Variants in EXOSC8 observed in about 807,000 individuals in gnomAD.
The protein encoded by EXOSC8 is exosome component 8.
Under a neutral mutation model 39.9 loss-of-function variants are expected in EXOSC8, and 37 were observed. The ratio of observed to expected loss-of-function variants is 0.93; its 90% CI spans 0.71 to 1.22. The LOEUF (loss-of-function observed/expected upper bound fraction) is 1.22, where lower values mean the gene tolerates loss of function less well. Among genes scored for constraint, EXOSC8 ranks in the 50% most tolerant of loss-of-function variants. The probability of loss-of-function intolerance (pLI) is 0.00; values close to 1 mark genes in which losing one functional copy is unlikely to be tolerated. For missense variants in EXOSC8, 313 were observed against 326.6 expected (o/e 0.96, Z 0.32); for synonymous variants, 93 against 109.5 (o/e 0.85, Z 0.94).
intron 7 of EXOSC8, among the ~76,000 whole-genome samples, chr13:37,006,646 T>C (rs2059141179): frequency 6.6e-6 from 1 of 152,192 alleles, no homozygotes. Flanking sequence ...ATTTTGAATT[T>C]TAGCTAGGGC....
intron 5 of EXOSC8, among the ~76,000 whole-genome samples, chr13:37,004,768 A>G (rs2059127501): frequency 6.6e-6 from 1 of 152,210 alleles, no homozygotes; most frequent in Admixed American, 6.5e-5. Flanking sequence ...TTTAACCTTT[A>G]TCAAACTTGT....
At chr13:37,007,111 G>T (rs1323174650) in intron 8 of EXOSC8, 40 bp downstream of exon 8, 4 of 1,232,614 alleles carry the variant, frequency 3.2e-6, no homozygotes, top group Non-Finnish European at 4.8e-6. Context: ...CCCACTCATG[G>T]GTTAGAATGT....
At chr13:37,001,414 A>T (rs150045001) in intron 1 of EXOSC8, 4 of 152,242 alleles carry the variant, frequency 2.6e-5, no homozygotes, top group African/African-American at 9.7e-5. Flanking sequence ...GTCAGAATCA[A>T]TCAATCAAGA....
intron 8 of EXOSC8, among the ~76,000 whole-genome samples, 170 bp downstream of exon 8, chr13:37,007,241 T>C (rs896485527): frequency 2.0e-5 from 3 of 152,240 alleles, no homozygotes; most frequent in Non-Finnish European, 1.5e-5. Context: ...GAATGCTCTT[T>C]AGAGTGCTGC....
chr13:37,002,418 T>TA (rs774978385), intron 2 of EXOSC8, 70 bp from the exon 3 acceptor site: 34 of 1,350,328 alleles, frequency 2.5e-5, no homozygotes, highest in Non-Finnish European at 3.6e-5. Flanking sequence ...AATGTGTGTG[T>TA]AAAACTTGTG....
At chr13:37,002,657 A>G in intron 3 of EXOSC8, 106 bp downstream of exon 3, 1 of 832,088 alleles carries the variant, frequency 1.2e-6, no homozygotes, top group Non-Finnish European at 1.9e-6. Flanking sequence ...GGATTTGATG[A>G]TTTTTTTTGT....
intron 10 of EXOSC8, 48 bp downstream of exon 10, chr13:37,008,883 G>A: frequency 8.1e-7 from 1 of 1,227,150 alleles, no homozygotes; most frequent in East Asian, 2.4e-5. Context: ...TGAAAACTCA[G>A]TGTGAGCCTT....
intron 1 of EXOSC8, 98 bp from the exon 2 acceptor site, chr13:37,002,175 T>G (rs748614024): frequency 1.6e-5 from 14 of 853,834 alleles, no homozygotes; most frequent in Non-Finnish European, 2.1e-5. Context: ...GTTGTGGAGA[T>G]TTATGCTGCA....
chr13:37,007,287 G>A (rs2059145545), intron 8 of EXOSC8, among the ~76,000 whole-genome samples: 1 of 152,168 alleles, frequency 6.6e-6, no homozygotes, highest in Non-Finnish European at 1.5e-5. Flanking sequence ...TAGGACTTCA[G>A]TCCTTTCCAA....
intron 5 of EXOSC8, among the ~76,000 whole-genome samples, chr13:37,005,409 GA>G (rs2059131693): frequency 6.6e-6 from 1 of 152,012 alleles, no homozygotes; most frequent in African/African-American, 2.4e-5. Flanking sequence ...GCATATGGGG[GA>G]AAAATGTCAG....
At chr13:37,002,590 C>T (rs2059113827) in intron 3 of EXOSC8, 39 bp downstream of exon 3, 3 of 1,374,224 alleles carry the variant, frequency 2.2e-6, no homozygotes, top group Non-Finnish European at 3.0e-6. Context: ...TATGATATTC[C>T]CAAGTTTTAG....
chr13:37,006,944 T>G (rs760878742), intron 7 of EXOSC8, 31 bp from the exon 8 acceptor site: 6 of 1,380,878 alleles, frequency 4.3e-6, no homozygotes, highest in Non-Finnish European at 6.2e-6. Flanking sequence ...TAGAAGACTT[T>G]AATTTCCTTT....
At chr13:37,007,141 T>G (rs2059144580) in intron 8 of EXOSC8, 70 bp downstream of exon 8, 2 of 976,628 alleles carry the variant, frequency 2.0e-6, no homozygotes, top group Admixed American at 1.8e-5. Context: ...AAACTTTTAA[T>G]GTACATTTGC....
In EXOSC8 at chr13:37,001,997, A is replaced by G. The variant is rs184031999; in HGVS notation, c.18-276A>G. Among the ~76,000 whole-genome samples, 624 of 152,284 alleles carry G rather than the reference A, an allele frequency of 4.1e-3. 5 individuals are homozygous for G. Among genetic ancestry groups the G allele is most frequent in the African/African-American group, 0.015 (607 of 41,532 alleles). ...AGATCACTCTGAATCCTTGTTTCAG[A>G]GCAAGAACGACATGATTCTTTTGAC... On this transcript the variant is annotated intron_variant, in intron 1 of 10. Coordinates refer to ENST00000389704, the MANE Select transcript of EXOSC8 (RefSeq NM_181503.3).
At chr13:37,005,355 G>A (rs995660384) in intron 5 of EXOSC8, among the ~76,000 whole-genome samples, 7 of 152,176 alleles carry the variant, frequency 4.6e-5, no homozygotes, top group South Asian at 4.1e-4. Flanking sequence ...AGGAAAACTC[G>A]TAAAGGATTT....
rs2059113977 is a variant in EXOSC8, at chr13:37,002,609, C to T, written c.118+58C>T. On this transcript the variant is annotated intron_variant, in intron 3 of 10. Coordinates refer to ENST00000389704, the MANE Select transcript of EXOSC8 (RefSeq NM_181503.3). ...ATATTCCCAAGTTTTAGTCTATGAA[C>T]CAGCCAAACAGTTTTTCACCCAAAT... The T allele has an allele frequency of 2.5e-6, 3 of 1,181,848 alleles. No individual in the cohort carries two copies. In the South Asian group the frequency reaches 4.2e-5, roughly 17 times the overall value. 73.2% of individuals were successfully genotyped at this position (1,181,848 alleles called of 1,614,324 possible).
At chr13:37,003,462 AT>A (rs1184906598) in intron 4 of EXOSC8, 2 of 155,034 alleles carry the variant, frequency 1.3e-5, no homozygotes, top group African/African-American at 2.4e-5. Flanking sequence ...TATAACAATC[AT>A]TTGTTACTTG....
At position 37,004,500 on chromosome 13, in the gene EXOSC8, T is replaced by G; in HGVS notation, c.193-16T>G. The G allele has an allele frequency of 6.3e-7, 1 of 1,591,736 alleles. No homozygotes were observed. The highest frequency in any genetic ancestry group is 1.1e-5 in the South Asian group (1 of 89,366). ...AGTAGCTTCTTTCAATAGGAAACATTTCTTTGCTACTATAGGAATTTGCAG... is the reference window on the plus strand; with the variant it reads ...AGTAGCTTCTTTCAATAGGAAACATGTCTTTGCTACTATAGGAATTTGCAG... On this transcript the variant is annotated splice_polypyrimidine_tract_variant and intron_variant, in intron 4 of 10. Transcript: ENST00000389704.
chr13:37,005,354 C>T (rs554951637), intron 5 of EXOSC8, among the ~76,000 whole-genome samples: 50 of 151,892 alleles, frequency 3.3e-4, no homozygotes, highest in African/African-American at 1.0e-3. Flanking sequence ...CAGGAAAACT[C>T]GTAAAGGATT....
Sources: allele counts gnomAD v4.1 joint callset (sites outside exome capture counted in the v4.1 genomes callset), GRCh38; gene constraint gnomAD v4.1.1; transcripts MANE v1.5; gene names NCBI Gene and HGNC (gene_info 2026-07-23, HGNC 2026-07-21).